The following PXDNL variants were observed in gnomAD, a reference collection of about 807,000 sequenced individuals.
The protein encoded by PXDNL is probable oxidoreductase PXDNL.
A neutral mutation model predicts 150.8 loss-of-function variants in PXDNL; 145 were observed. The observed-to-expected ratio is 0.96, with a 90% CI of 0.84 to 1.10. PXDNL has a LOEUF of 1.10. PXDNL is among the 50% of genes least tolerant of loss of function. PXDNL has a pLI of 0.00. For synonymous variants in PXDNL, 757 were observed against 725.7 expected (o/e 1.04, Z -0.69); for missense variants, 2,087 against 1,873.9 (o/e 1.11, Z -2.10).
intron 7 of PXDNL, among the ~76,000 whole-genome samples, chr8:51,473,593 GAA>G (rs754960916): frequency 3.2e-4 from 49 of 152,078 alleles, no homozygotes; most frequent in Non-Finnish European, 4.9e-4. Context: ...ACAACACTGA[GAA>G]AAGAGTAAGT....
intron 1 of PXDNL, among the ~76,000 whole-genome samples, chr8:51,785,491 T>C (rs2037452577): frequency 2.0e-5 from 3 of 152,228 alleles, no homozygotes; most frequent in Non-Finnish European, 4.4e-5. Flanking sequence ...GCAAGTCTAC[T>C]GGTGACATTT....
At chr8:51,398,728 T>C (rs983886740) in intron 17 of PXDNL, among the ~76,000 whole-genome samples, 2 of 152,194 alleles carry the variant, frequency 1.3e-5, no homozygotes, top group African/African-American at 2.4e-5. Flanking sequence ...GGAATCACAG[T>C]AATTGATATG....
intron 21 of PXDNL, 69 bp from the exon 22 acceptor site, chr8:51,320,966 T>C: frequency 8.8e-7 from 1 of 1,136,176 alleles, no homozygotes; most frequent in Non-Finnish European, 1.3e-6. Context: ...ATCAATAACA[T>C]GGTTTGATGA....
intron 2 of PXDNL, among the ~76,000 whole-genome samples, chr8:51,608,726 G>A (rs971001106): frequency 1.1e-4 from 16 of 146,154 alleles, no homozygotes; most frequent in East Asian, 1.0e-3. Context: ...AGTCCCAGCT[G>A]CTCGGGAGGC....
intron 14 of PXDNL, among the ~76,000 whole-genome samples, chr8:51,421,861 A>G (rs1475792842): frequency 6.6e-6 from 1 of 152,218 alleles, no homozygotes; most frequent in Non-Finnish European, 1.5e-5. Flanking sequence ...GGGGTTCCCA[A>G]CCCCAGCGCC....
chr8:51,377,572 G>A (rs1415370810), intron 17 of PXDNL, among the ~76,000 whole-genome samples: 1 of 152,244 alleles, frequency 6.6e-6, no homozygotes, highest in Non-Finnish European at 1.5e-5. Context: ...GCCAGCGCGA[G>A]TTCCGGGTGG....
Position 51,319,682 on chromosome 8 carries a change from C to T in PXDNL, c.*209G>A. On this transcript the variant is annotated 3_prime_UTR_variant, in exon 23 of 23. Coordinates refer to ENST00000356297, the MANE Select transcript of PXDNL (RefSeq NM_144651.5). ...CTTATGATCAAACACTTCATATGCA[C>T]TTTATTGCTTTTAGTTTTGAATTAT... 2.9e-6 allele frequency: 1 copy of T among 347,184 alleles called. No homozygotes were observed. Among genetic ancestry groups the T allele is most frequent in the Non-Finnish European group, 5.0e-6 (1 of 198,544 alleles). 21.5% of individuals were successfully genotyped at this position (347,184 alleles called of 1,614,324 possible).
intron 17 of PXDNL, among the ~76,000 whole-genome samples, chr8:51,396,458 G>T (rs1024323395): frequency 6.6e-6 from 1 of 152,146 alleles, no homozygotes; most frequent in Non-Finnish European, 1.5e-5. Flanking sequence ...CATCAATCTG[G>T]GATTTAAAAA....
At chr8:51,773,473 G>T (rs2037321035) in intron 1 of PXDNL, among the ~76,000 whole-genome samples, 1 of 152,168 alleles carries the variant, frequency 6.6e-6, no homozygotes, top group Admixed American at 6.5e-5. Flanking sequence ...AGCAGGGAGG[G>T]ACATCATAGT....
intron 1 of PXDNL, among the ~76,000 whole-genome samples, chr8:51,803,098 C>A (rs2129264665): frequency 6.6e-6 from 1 of 152,258 alleles, no homozygotes; most frequent in East Asian, 1.9e-4. Flanking sequence ...CTATTCTGCA[C>A]CTGGGTTAGA....
At chr8:51,339,303 T>C (rs779936916) in intron 21 of PXDNL, among the ~76,000 whole-genome samples, 10 of 152,096 alleles carry the variant, frequency 6.6e-5, no homozygotes, top group Non-Finnish European at 1.0e-4. Context: ...CTACTAAAAA[T>C]ACAAAACTTA....
intron 1 of PXDNL, among the ~76,000 whole-genome samples, chr8:51,798,437 T>C (rs1275519520): frequency 6.6e-6 from 1 of 152,180 alleles, no homozygotes; most frequent in African/African-American, 2.4e-5. Context: ...TCTATTCATC[T>C]GAGAAAGCCT....
chr8:51,642,690 A>C (rs1396962085), intron 2 of PXDNL, among the ~76,000 whole-genome samples: 1 of 152,214 alleles, frequency 6.6e-6, no homozygotes, highest in African/African-American at 2.4e-5. Flanking sequence ...AGTTCTGGCC[A>C]GGGCAATCAG....
At chr8:51,481,630 G>T (rs1478447289) in intron 6 of PXDNL, among the ~76,000 whole-genome samples, 1 of 152,166 alleles carries the variant, frequency 6.6e-6, no homozygotes, top group East Asian at 1.9e-4. Flanking sequence ...TGGTTTCATG[G>T]ACTGGGCCTA....
chr8:51,753,380 AAGAGT>A (rs2037067224), intron 1 of PXDNL, among the ~76,000 whole-genome samples: 1 of 152,220 alleles, frequency 6.6e-6, no homozygotes, highest in South Asian at 2.1e-4. Context: ...TCCTGAAGGA[AAGAGT>A]AGAGAGCCAC....
chr8:51,804,973 C>T (rs2037660180), intron 1 of PXDNL, among the ~76,000 whole-genome samples: 1 of 151,680 alleles, frequency 6.6e-6, no homozygotes, highest in African/African-American at 2.4e-5. Context: ...GGGCTCCATC[C>T]ACACTCACCT....
At chr8:51,796,251 A>G (rs2037558849) in intron 1 of PXDNL, among the ~76,000 whole-genome samples, 1 of 152,092 alleles carries the variant, frequency 6.6e-6, no homozygotes, top group Non-Finnish European at 1.5e-5. Context: ...CTAGCAGAAA[A>G]CAAAAAATAA....
At chr8:51,476,579 T>C (rs971528277) in intron 6 of PXDNL, among the ~76,000 whole-genome samples, 2 of 133,252 alleles carry the variant, frequency 1.5e-5, no homozygotes, top group East Asian at 2.3e-4. Context: ...TTTTTCCTCA[T>C]GAAATAAAAT....
chr8:51,766,211 C>T (rs1429447271), intron 1 of PXDNL, among the ~76,000 whole-genome samples: 1 of 152,106 alleles, frequency 6.6e-6, no homozygotes, highest in Non-Finnish European at 1.5e-5. Context: ...GCATTAATAC[C>T]ACCTTAGTTT....
Sources: allele counts gnomAD v4.1 joint callset (sites outside exome capture counted in the v4.1 genomes callset), GRCh38; gene constraint gnomAD v4.1.1; transcripts MANE v1.5; gene names NCBI Gene and HGNC (gene_info 2026-07-23, HGNC 2026-07-21).